Variants in RALGAPA1 observed in about 807,000 individuals in gnomAD.
RALGAPA1 encodes ral GTPase-activating protein subunit alpha-1.
A neutral mutation model predicts 269.6 loss-of-function variants in RALGAPA1; 52 were observed. The observed-to-expected ratio is 0.19, with a 90% confidence interval of 0.15 to 0.24. RALGAPA1 has a LOEUF of 0.24. Among genes scored for constraint, RALGAPA1 ranks in the 10% least tolerant of loss-of-function variants. The pLI is 1.00. For synonymous variants in RALGAPA1, 817 were observed against 1,008.3 expected (o/e 0.81, Z 3.60); for missense variants, 1,917 against 3,013.9 (o/e 0.64, Z 8.52).
At position 35,683,961 on chromosome 14, in the gene RALGAPA1, C is replaced by T. The variant is rs1295042100; in HGVS notation, c.4319G>A (p.Gly1440Glu). The change falls in exon 21 of 42, where the codon GGG (glycine) becomes GAG (glutamate). Residue 1440 changes from glycine (G) to glutamate (E), a missense_variant. By Grantham distance (98) the Gly-to-Glu change is moderately conservative (BLOSUM62 -2). This residue lies in a region of RALGAPA1 where 615 missense variants were observed against 790.0 expected (regional missense o/e 0.78). Coordinates refer to ENST00000680220, the MANE Select transcript of RALGAPA1 (RefSeq NM_001346249.2). ...FDNFGFGTDT[G>E]VTSSADVDSG... ...ATCCACATCAGCAGAGGACGTAACC[C>T]CAGTGTCGGTTCCAAAGCCAAAATC... 20 of 1,610,650 alleles carry T rather than the reference C, an allele frequency of 1.2e-5. No homozygotes were observed. The highest frequency in any genetic ancestry group is 2.2e-5 in the East Asian group (1 of 44,810).
intron 37 of RALGAPA1, among the ~76,000 whole-genome samples, chr14:35,586,102 T>C (rs1403080788): frequency 6.6e-6 from 1 of 152,236 alleles, no homozygotes; most frequent in Admixed American, 6.5e-5. Context: ...TGTTCTTCTA[T>C]TTGTTTGTGT....
At chr14:35,670,696 G>A (rs1440987418) in intron 26 of RALGAPA1, among the ~76,000 whole-genome samples, 1 of 152,112 alleles carries the variant, frequency 6.6e-6, no homozygotes, top group Non-Finnish European at 1.5e-5. Context: ...AGGCTGAGGC[G>A]GGCAGATCAC....
intron 1 of RALGAPA1, among the ~76,000 whole-genome samples, chr14:35,800,043 T>A (rs2076860227): frequency 6.6e-6 from 1 of 152,106 alleles, no homozygotes; most frequent in Non-Finnish European, 1.5e-5. Context: ...AAAGAAATAA[T>A]CCTAAAGGTT....
chr14:35,704,298 ATC>A (rs1490418986), intron 16 of RALGAPA1, among the ~76,000 whole-genome samples: 1 of 152,126 alleles, frequency 6.6e-6, no homozygotes, highest in East Asian at 1.9e-4. Context: ...ATTCATTGCA[ATC>A]TCTCTTATTT....
At chr14:35,575,099 G>C (rs945582542) in intron 37 of RALGAPA1, among the ~76,000 whole-genome samples, 7 of 149,180 alleles carry the variant, frequency 4.7e-5, no homozygotes, top group Middle Eastern at 3.3e-3. Context: ...CTGCACTCCA[G>C]CCTGTGCGAC....
intron 8 of RALGAPA1, 141 bp downstream of exon 8, chr14:35,751,883 T>C (rs2072741461): frequency 1.8e-6 from 2 of 1,127,590 alleles, no homozygotes; most frequent in South Asian, 3.1e-5. Flanking sequence ...GCTTTCAGTA[T>C]GAATCTAGGT....
intron 10 of RALGAPA1, among the ~76,000 whole-genome samples, chr14:35,745,479 A>T (rs2071978982): frequency 6.6e-6 from 1 of 151,842 alleles, no homozygotes; most frequent in Non-Finnish European, 1.5e-5. Flanking sequence ...AAAAGCAGAA[A>T]ATCTGGCCGG....
intron 41 of RALGAPA1, among the ~76,000 whole-genome samples, chr14:35,547,248 A>G (rs2054541335): frequency 6.6e-6 from 1 of 152,164 alleles, no homozygotes; most frequent in African/African-American, 2.4e-5. Flanking sequence ...ATAATTTTGT[A>G]AGACACATTA....
At position 35,738,294 on chromosome 14, in the gene RALGAPA1, CCATAA is replaced by C. The variant is rs1442848155; in HGVS notation, c.1587+214_1587+218del. ...AAAATCAGTTGCAGATGACAGTACACCATAACATAATTTATATAACATTTAAAATT... is the reference window on the plus strand; with the variant it reads ...AAAATCAGTTGCAGATGACAGTACACCATAATTTATATAACATTTAAAATT... On this transcript the variant is annotated intron_variant, in intron 12 of 41. Coordinates refer to ENST00000680220, the MANE Select transcript of RALGAPA1 (RefSeq NM_001346249.2). 3.1e-4 allele frequency among the ~76,000 whole-genome samples: 47 copies of C among 151,420 alleles called. 1 individual carries two copies. The highest frequency in any genetic ancestry group is 1.1e-3 in the African/African-American group (46 of 41,286).
chr14:35,712,041 C>CT (rs1269224428), intron 16 of RALGAPA1, among the ~76,000 whole-genome samples: 1 of 151,878 alleles, frequency 6.6e-6, no homozygotes, highest in Non-Finnish European at 1.5e-5. Flanking sequence ...GAGGTCAGGA[C>CT]TTTGAGACCA....
intron 28 of RALGAPA1, among the ~76,000 whole-genome samples, chr14:35,657,763 A>C (rs867615170): frequency 3.3e-5 from 5 of 151,384 alleles, no homozygotes; most frequent in Non-Finnish European, 7.4e-5. Flanking sequence ...TGGTATTGCC[A>C]CTTATTAATT....
At chr14:35,728,594 A>G (rs1012108614) in intron 12 of RALGAPA1, 84 bp from the exon 13 acceptor site, 2 of 1,417,812 alleles carry the variant, frequency 1.4e-6, no homozygotes, top group Non-Finnish European at 1.9e-6. Flanking sequence ...CACTGATCAC[A>G]CTGTGGGTAA....
intron 28 of RALGAPA1, among the ~76,000 whole-genome samples, chr14:35,657,156 T>C (rs1319358243): frequency 6.6e-6 from 1 of 151,948 alleles, no homozygotes; most frequent in Non-Finnish European, 1.5e-5. Flanking sequence ...CTGTGCAGAC[T>C]GGGGGTATTA....
intron 31 of RALGAPA1, among the ~76,000 whole-genome samples, chr14:35,646,441 G>A (rs1368519026): frequency 6.6e-6 from 1 of 152,138 alleles, no homozygotes; most frequent in Non-Finnish European, 1.5e-5. Flanking sequence ...AAAATCTTCT[G>A]AGGTATTCCT....
chr14:35,750,878 T>C (rs2072619314), intron 8 of RALGAPA1, among the ~76,000 whole-genome samples, 188 bp from the exon 9 acceptor site: 1 of 152,202 alleles, frequency 6.6e-6, no homozygotes, highest in South Asian at 2.1e-4. Flanking sequence ...GAACCATATA[T>C]ACCAGGATGA....
At chr14:35,543,389 A>G (rs569603864) in intron 41 of RALGAPA1, among the ~76,000 whole-genome samples, 13 of 152,354 alleles carry the variant, frequency 8.5e-5, no homozygotes, top group South Asian at 4.1e-4. Flanking sequence ...AATGAGGAAC[A>G]TTTTTGAAGA....
At position 35,721,766 on chromosome 14, in the gene RALGAPA1, T is replaced by C. The variant is rs138413090; in HGVS notation, c.2188A>G (p.Met730Val). The C allele has an allele frequency of 2.1e-5, 34 of 1,613,154 alleles. 1 individual carries two copies. The highest frequency in any genetic ancestry group is 5.5e-5 in the South Asian group (5 of 91,042). Reference protein sequence around the residue: ...WSRDQPGQAPMRQRSATTTGS... With the variant: ...WSRDQPGQAPVRQRSATTTGS... ...GTGGTTGTTGCACTCCTCTGTCTCA[T>C]TGGGGCTTGGCCAGGCTGATCACGA... is the stretch of plus-strand genomic sequence containing the variant. Residue 730 changes from methionine (M) to valine (V), a missense_variant, in exon 16 of 42, where the codon ATG becomes GTG. Physicochemically the swap from Met to Val is conservative, Grantham distance 21 (BLOSUM62 1). Coordinates refer to ENST00000680220, the MANE Select transcript of RALGAPA1 (RefSeq NM_001346249.2).
At chr14:35,792,264 C>A (rs1231212517) in intron 1 of RALGAPA1, among the ~76,000 whole-genome samples, 3 of 152,076 alleles carry the variant, frequency 2.0e-5, no homozygotes, top group Non-Finnish European at 4.4e-5. Flanking sequence ...TCAAGAGATT[C>A]TCCTGCCTCA....
At position 35,688,785 on chromosome 14, in the gene RALGAPA1, G is replaced by A; in HGVS notation, c.3626C>T (p.Pro1209Leu). The change falls in exon 18 of 42, where the codon CCT becomes CTT. Residue 1209 changes from proline to leucine, a missense_variant. Pro to Leu is a moderately conservative substitution (Grantham distance 98). Transcript: ENST00000680220. ...STNSATELVKPGVYRPLDTLG... is the reference protein window; with the variant it reads ...STNSATELVKLGVYRPLDTLG... Reference sequence around the variant, plus strand: ...TGTATCTAGAGGTCTGTACACACCAGGTTTTACTAGCTCTGTAGCACTATT... The same window carrying A: ...TGTATCTAGAGGTCTGTACACACCAAGTTTTACTAGCTCTGTAGCACTATT... 1.4e-6 allele frequency: 2 copies of A among 1,414,190 alleles called. No individual in the cohort carries two copies. Among genetic ancestry groups the A allele is most frequent in the Non-Finnish European group, 1.8e-6 (2 of 1,088,558 alleles). 87.6% of individuals were successfully genotyped at this position (1,414,190 alleles called of 1,614,324 possible).
Sources: gnomAD v4.1 joint callset for allele counts (sites outside exome capture counted in the v4.1 genomes callset) on GRCh38, gnomAD v4.1.1 for gene constraint, gnomAD v4.1.1 regional missense constraint, MANE v1.5 for transcripts, NCBI Gene and HGNC (gene_info 2026-07-23, HGNC 2026-07-21) for gene names.